The following RHEX variants were observed in gnomAD, a reference collection of about 807,000 sequenced individuals.
RHEX encodes the protein regulator of hemoglobinization and erythroid cell expansion protein.
Under a neutral mutation model 20.1 loss-of-function variants are expected in RHEX, and 18 were observed. The observed-to-expected ratio is 0.90, with a 90% CI of 0.62 to 1.33. The LOEUF (loss-of-function observed/expected upper bound fraction) is 1.33, where lower values mean the gene tolerates loss of function less well. Ranked by LOEUF, RHEX falls within the 40% of genes most tolerant of loss-of-function variation. The pLI, the probability that RHEX is intolerant of heterozygous loss-of-function variation, is 0.00. For synonymous variants in RHEX, 87 were observed against 77.1 expected (o/e 1.13, Z -0.67); for missense variants, 192 against 214.3 (o/e 0.90, Z 0.65).
At chr1:206,081,010 C>T (rs576896391) in intron 1 of RHEX, among the ~76,000 whole-genome samples, 128 of 152,058 alleles carry the variant, frequency 8.4e-4, no homozygotes, top group African/African-American at 3.0e-3. Context: ...CAGACACATA[C>T]ACAACATAGC....
chr1:206,060,201 A>G (rs560419635), intron 1 of RHEX, among the ~76,000 whole-genome samples: 87 of 152,260 alleles, frequency 5.7e-4, no homozygotes, highest in Admixed American at 1.2e-3. Flanking sequence ...TTACTGTATA[A>G]TAGGAATAAT....
intron 1 of RHEX, among the ~76,000 whole-genome samples, chr1:206,093,312 C>T (rs573868944): frequency 1.3e-5 from 2 of 151,370 alleles, no homozygotes; most frequent in South Asian, 2.1e-4. Flanking sequence ...TGCTCTGTCA[C>T]ACAGGCTGGA....
chr1:206,064,250 G>T (rs1363428066), intron 1 of RHEX, among the ~76,000 whole-genome samples: 1 of 145,270 alleles, frequency 6.9e-6, no homozygotes, highest in Non-Finnish European at 1.5e-5. Context: ...CACCCCGTCC[G>T]GGAGGGAGGT....
intron 1 of RHEX, among the ~76,000 whole-genome samples, chr1:206,085,788 C>T (rs577414672): frequency 1.3e-5 from 2 of 152,184 alleles, no homozygotes; most frequent in South Asian, 2.1e-4. Context: ...TGATTTAGCC[C>T]ACTCCTCTCA....
intron 1 of RHEX, among the ~76,000 whole-genome samples, chr1:206,075,604 CTTT>C (rs1195410311): frequency 7.0e-6 from 1 of 143,770 alleles, no homozygotes. Flanking sequence ...ATGCCAAAGT[CTTT>C]TTTTTTTTTT....
chr1:206,066,613 GTC>G (rs1662428043), intron 1 of RHEX, among the ~76,000 whole-genome samples: 1 of 151,980 alleles, frequency 6.6e-6, no homozygotes, highest in Non-Finnish European at 1.5e-5. Flanking sequence ...GAGAGACTCT[GTC>G]TCAAAAAAAA....
intron 1 of RHEX, chr1:206,083,718 TG>T (rs1662781763): frequency 1.2e-6 from 1 of 837,906 alleles, no homozygotes; most frequent in Non-Finnish European, 1.4e-6. Flanking sequence ...CGAGCATATA[TG>T]TGTAGAAGTT....
At chr1:206,058,458 G>A (rs1662241885) in intron 1 of RHEX, among the ~76,000 whole-genome samples, 1 of 144,506 alleles carries the variant, frequency 6.9e-6, no homozygotes, top group Admixed American at 6.7e-5. Context: ...CTCTCATATT[G>A]TTTTATATTG....
chr1:206,086,728 G>T (rs1472923384), intron 1 of RHEX, among the ~76,000 whole-genome samples: 2 of 152,160 alleles, frequency 1.3e-5, no homozygotes, highest in Admixed American at 1.3e-4. Flanking sequence ...CATGAAACAG[G>T]CTGGGCACGG....
intron 1 of RHEX, among the ~76,000 whole-genome samples, chr1:206,083,289 C>G (rs1044935616): frequency 5.3e-5 from 8 of 152,210 alleles, no homozygotes; most frequent in African/African-American, 1.9e-4. Flanking sequence ...TCCTTTAGTG[C>G]TCTTTCCACT....
chr1:206,100,797 T>G (rs1663170304), intron 4 of RHEX, among the ~76,000 whole-genome samples: 1 of 151,966 alleles, frequency 6.6e-6, no homozygotes, highest in Non-Finnish European at 1.5e-5. Context: ...TCCTCCTGAC[T>G]TTTCTTTCTG....
chr1:206,094,988 G>GT (rs1663036380), intron 1 of RHEX, among the ~76,000 whole-genome samples: 1 of 152,062 alleles, frequency 6.6e-6, no homozygotes, highest in South Asian at 2.1e-4. Context: ...TTGGAAATGT[G>GT]TGGGGTCATT....
intron 1 of RHEX, among the ~76,000 whole-genome samples, chr1:206,090,499 G>A (rs983003858): frequency 1.3e-5 from 2 of 151,852 alleles, no homozygotes; most frequent in African/African-American, 2.4e-5. Flanking sequence ...GAGCCACCGC[G>A]CCTGGCCCAC....
At position 206,067,707 on chromosome 1, in the gene RHEX, A is replaced by AC. The variant is rs1553284291; in HGVS notation, c.-97+14447dup. Among the ~76,000 whole-genome samples the AC allele has an allele frequency of 6.7e-6, 1 of 148,920 alleles. No individual in the cohort carries two copies. The highest frequency in any genetic ancestry group is 1.9e-4 in the East Asian group (1 of 5,172). ...AACAGCACAACCTCATTCTGCACAT[A>AC]CCCCCTCCAGTACAACCCTAGAAAA... is the stretch of plus-strand genomic sequence containing the variant. On this transcript the variant is annotated intron_variant, in intron 1 of 5. Transcript: ENST00000331555. This position sits in a 1 kb window ranked among gnomAD's most constrained non-coding sequence, Gnocchi z 4.6.
At chr1:206,099,043 C>T (rs1553288066) in intron 3 of RHEX, among the ~76,000 whole-genome samples, 1 of 152,034 alleles carries the variant, frequency 6.6e-6, no homozygotes, top group East Asian at 1.9e-4. Flanking sequence ...CCTGCAAAGG[C>T]CTGAAGGAGG....
intron 1 of RHEX, among the ~76,000 whole-genome samples, chr1:206,053,992 C>T (rs1158433304): frequency 1.3e-5 from 2 of 151,830 alleles, no homozygotes; most frequent in Non-Finnish European, 2.9e-5. Context: ...AGGTTTTCAA[C>T]AAAAGTGAAG....
chr1:206,083,088 T>C (rs1270966122), intron 1 of RHEX, among the ~76,000 whole-genome samples: 1 of 152,234 alleles, frequency 6.6e-6, no homozygotes, highest in Non-Finnish European at 1.5e-5. Flanking sequence ...CCTACTCACT[T>C]AATCTTTGAA....
chr1:206,079,371 G>A (rs1553285578), intron 1 of RHEX, among the ~76,000 whole-genome samples: 1 of 152,076 alleles, frequency 6.6e-6, no homozygotes, highest in African/African-American at 2.4e-5. Context: ...CCATAAAGAC[G>A]TTTCCTTTAA....
chr1:206,065,288 A>G (rs1214885229), intron 1 of RHEX, among the ~76,000 whole-genome samples: 1 of 151,648 alleles, frequency 6.6e-6, no homozygotes, highest in South Asian at 2.1e-4. Context: ...AAAAAAAAAA[A>G]GATTTTTCTG....
Sources: allele counts gnomAD v4.1 joint callset (sites outside exome capture counted in the v4.1 genomes callset), GRCh38; gene constraint gnomAD v4.1.1; non-coding constraint Gnocchi (gnomAD v3.1); transcripts MANE v1.5; gene names NCBI Gene and HGNC (gene_info 2026-07-23, HGNC 2026-07-21).